Variants in GRIA4 observed in about 807,000 individuals in gnomAD.
The protein encoded by GRIA4 is glutamate ionotropic receptor AMPA type subunit 4.
Under a neutral mutation model 104.0 loss-of-function variants are expected in GRIA4, and 34 were observed. The observed-to-expected ratio is 0.33, with a 90% CI of 0.25 to 0.44. The LOEUF is 0.44. GRIA4 is among the 20% of genes least tolerant of loss of function. GRIA4 has a pLI of 1.00. For missense variants in GRIA4, 750 were observed against 1,096.5 expected (o/e 0.68, Z 4.46); for synonymous variants, 386 against 381.9 (o/e 1.01, Z -0.13).
chr11:105,969,424 T>C (rs1433405498), intron 14 of GRIA4, among the ~76,000 whole-genome samples: 1 of 152,172 alleles, frequency 6.6e-6, no homozygotes, highest in African/African-American at 2.4e-5. Flanking sequence ...AAATATCTTA[T>C]ATTCAAAGTG....
intron 3 of GRIA4, among the ~76,000 whole-genome samples, chr11:105,634,367 A>AAAG (rs760858718): frequency 6.7e-6 from 1 of 148,950 alleles, no homozygotes; most frequent in African/African-American, 2.5e-5. Context: ...AAAAAAAAAA[A>AAAG]AAGAAGAAGA....
intron 3 of GRIA4, among the ~76,000 whole-genome samples, chr11:105,703,814 T>G (rs575136529): frequency 6.6e-6 from 1 of 152,188 alleles, no homozygotes; most frequent in East Asian, 1.9e-4. Context: ...AAATAATTAA[T>G]AGGCAGGTTC....
rs768690195 is a variant in GRIA4 at position 105,612,265 on chromosome 11, G to GT, written c.89-6dup. 10 of 1,613,656 alleles carry GT rather than the reference G, an allele frequency of 6.2e-6. No individual in the cohort carries two copies. Among genetic ancestry groups the GT allele is most frequent in the Non-Finnish European group, 8.5e-6 (10 of 1,179,696 alleles). ...AAACAGTGAATGTGCTTTTCCTGCTGTTTTTAATAGGTGGTCTCTTCATCC... is the reference window on the plus strand; with the variant it reads ...AAACAGTGAATGTGCTTTTCCTGCTGTTTTTTAATAGGTGGTCTCTTCATCC... On this transcript the variant is annotated splice_polypyrimidine_tract_variant and intron_variant, in intron 2 of 16. Transcript: ENST00000282499.
In GRIA4 at chr11:105,650,875, A is replaced by C. The variant is rs147583265; in HGVS notation, c.247+38441A>C. On this transcript the variant is annotated intron_variant, in intron 3 of 16. Transcript: ENST00000282499. ...CTCACTAAAATTAGACAACACGTGA[A>C]TAATAAGAAAATTATCTCTAACAGG... Among the ~76,000 whole-genome samples, 634 of 152,324 alleles carry C rather than the reference A, an allele frequency of 4.2e-3. 3 individuals are homozygous for C. The highest frequency in any genetic ancestry group is 0.014 in the African/African-American group (586 of 41,574).
intron 14 of GRIA4, among the ~76,000 whole-genome samples, chr11:105,957,350 C>A (rs1948617763): frequency 6.6e-6 from 1 of 152,124 alleles, no homozygotes; most frequent in Non-Finnish European, 1.5e-5. Context: ...TTTCCCAGGA[C>A]CATTTATTAA....
chr11:105,648,193 T>C (rs975788247), intron 3 of GRIA4, among the ~76,000 whole-genome samples: 5 of 151,804 alleles, frequency 3.3e-5, no homozygotes, highest in African/African-American at 1.2e-4. Flanking sequence ...GAAGTCGATA[T>C]AGTGAGATAA....
At chr11:105,850,875 T>C (rs1565287052) in intron 4 of GRIA4, among the ~76,000 whole-genome samples, 1 of 152,098 alleles carries the variant, frequency 6.6e-6, no homozygotes, top group Non-Finnish European at 1.5e-5. Flanking sequence ...CAAAAATGAA[T>C]CCTTAATAGG....
intron 10 of GRIA4, chr11:105,912,544 A>T (rs898113080): frequency 2.0e-5 from 5 of 250,902 alleles, no homozygotes; most frequent in African/African-American, 1.2e-4. Flanking sequence ...ATATATATAT[A>T]TTTATATATA....
intron 4 of GRIA4, among the ~76,000 whole-genome samples, chr11:105,861,245 C>T (rs995693935): frequency 6.6e-6 from 1 of 152,126 alleles, no homozygotes; most frequent in Non-Finnish European, 1.5e-5. Context: ...CTTCAAGACC[C>T]AATTCAAGTT....
chr11:105,901,487 A>G (rs933004699), intron 7 of GRIA4, among the ~76,000 whole-genome samples: 5 of 152,248 alleles, frequency 3.3e-5, no homozygotes, highest in Non-Finnish European at 5.9e-5. Flanking sequence ...TAAAAATGAA[A>G]TGATTAGTAA....
chr11:105,622,839 A>AC lies in GRIA4; in HGVS notation c.247+10412dup, dbSNP rs113300178. ...ATTTATCATCATCCACCCTCCTCTA[A>AC]CCCCCCCATTATTCAGAGTCTACAA... On this transcript the variant is annotated intron_variant, in intron 3 of 16. Transcript: ENST00000282499. Among the ~76,000 whole-genome samples the AC allele has an allele frequency of 2.4e-4, 36 of 149,186 alleles. 1 individual carries two copies. Among genetic ancestry groups the AC allele is most frequent in the African/African-American group, 7.9e-4 (32 of 40,574 alleles).
At chr11:105,881,006 G>A (rs1418359506) in intron 5 of GRIA4, among the ~76,000 whole-genome samples, 1 of 152,164 alleles carries the variant, frequency 6.6e-6, no homozygotes, top group African/African-American at 2.4e-5. Flanking sequence ...AGATCTGTGT[G>A]CACACAGTTT....
At position 105,924,560 on chromosome 11, in the gene GRIA4, G is replaced by T; in HGVS notation, c.1638G>T (p.Glu546Asp). 1 of 1,613,202 alleles carries T rather than the reference G, an allele frequency of 6.2e-7. No individual in the cohort carries two copies. Among genetic ancestry groups the T allele is most frequent in the Non-Finnish European group, 8.5e-7 (1 of 1,179,372 alleles). The change falls in exon 12 of 17, where the codon GAG (glutamate) becomes GAT (aspartate). Residue 546 changes from glutamate (E) to aspartate (D), a missense_variant. Glu to Asp is a conservative substitution (Grantham distance 45, BLOSUM62 2). Coordinates refer to ENST00000282499, the MANE Select transcript of GRIA4 (RefSeq NM_000829.4). ...VFSFLDPLAYEIWMCIVFAYI... is the reference protein window; with the variant it reads ...VFSFLDPLAYDIWMCIVFAYI... ...CCTTCTTGGATCCTCTGGCCTATGAGATTTGGATGTGCATAGTCTTTGCCT... is the reference window on the plus strand; with the variant it reads ...CCTTCTTGGATCCTCTGGCCTATGATATTTGGATGTGCATAGTCTTTGCCT...
At chr11:105,753,854 G>A (rs1007197204) in intron 4 of GRIA4, among the ~76,000 whole-genome samples, 2 of 152,112 alleles carry the variant, frequency 1.3e-5, no homozygotes, top group South Asian at 4.1e-4. Context: ...CAGACAAATA[G>A]AAGAAATGGA....
chr11:105,943,064 C>A (rs1330230088), intron 14 of GRIA4, among the ~76,000 whole-genome samples: 2 of 152,102 alleles, frequency 1.3e-5, no homozygotes, highest in Admixed American at 6.6e-5. Flanking sequence ...AATTCTCATA[C>A]CTCTTTGAAG....
intron 5 of GRIA4, among the ~76,000 whole-genome samples, chr11:105,867,943 G>A (rs1945487177): frequency 6.6e-6 from 1 of 152,178 alleles, no homozygotes; most frequent in Non-Finnish European, 1.5e-5. Context: ...TTCAACGTCT[G>A]CATGCCAGAC....
intron 3 of GRIA4, among the ~76,000 whole-genome samples, chr11:105,724,473 A>G (rs1051585009): frequency 1.3e-5 from 2 of 152,026 alleles, no homozygotes; most frequent in African/African-American, 4.8e-5. Flanking sequence ...CAATGAAATC[A>G]CATCTTTCAC....
chr11:105,749,577 G>A lies in GRIA4; in HGVS notation c.248-3404G>A, dbSNP rs919748551. Among the ~76,000 whole-genome samples the A allele has an allele frequency of 3.3e-5, 5 of 152,130 alleles. No individual in the cohort carries two copies. In the South Asian group the frequency reaches 8.3e-4, roughly 25 times the overall value. On this transcript the variant is annotated intron_variant, in intron 3 of 16. Transcript: ENST00000282499. ...ACTTGAGAAACACTGAGCTAAGGCCGTGTCCTTTGATTTGTATGTGATATA... is the reference window on the plus strand; with the variant it reads ...ACTTGAGAAACACTGAGCTAAGGCCATGTCCTTTGATTTGTATGTGATATA...
intron 14 of GRIA4, chr11:105,966,044 G>T (rs753355881): frequency 6.2e-7 from 1 of 1,611,300 alleles, no homozygotes; most frequent in South Asian, 1.1e-5. Flanking sequence ...ATGTGGCAGC[G>T]GGGGAGGTGA....
Sources: allele counts gnomAD v4.1 joint callset (sites outside exome capture counted in the v4.1 genomes callset), GRCh38; gene constraint gnomAD v4.1.1; transcripts MANE v1.5; gene names NCBI Gene and HGNC (gene_info 2026-07-23, HGNC 2026-07-21).